The following NAPA variants were observed in gnomAD, a reference collection of about 807,000 sequenced individuals.
The protein encoded by NAPA is NSF attachment protein alpha.
In NAPA, 18 loss-of-function variants were observed where a neutral mutation model predicts 48.0. The ratio of observed to expected loss-of-function variants is 0.38; its 90% CI spans 0.26 to 0.56. The LOEUF is 0.56. Ranked by LOEUF, NAPA falls within the 20% of genes least tolerant of loss-of-function variation. The pLI is 0.77. For missense variants in NAPA, 315 were observed against 385.0 expected (o/e 0.82, Z 1.52); for synonymous variants, 152 against 149.9 (o/e 1.01, Z -0.10).
chr19:47,488,501 TGAG>T (rs1968142266), intron 10 of NAPA, 112 bp from the exon 11 acceptor site: 2 of 776,866 alleles, frequency 2.6e-6, no homozygotes, highest in East Asian at 2.8e-5. Context: ...CCCTGGTCTC[TGAG>T]GAGGAGTAGA....
At chr19:47,496,056 A>G (rs1256633495) in intron 3 of NAPA, 1 of 181,040 alleles carries the variant, frequency 5.5e-6, no homozygotes, top group African/African-American at 2.4e-5. Flanking sequence ...CTTGGAGGCA[A>G]CAGGGTGCCA....
intron 10 of NAPA, 72 bp downstream of exon 10, chr19:47,489,639 G>A (rs898121941): frequency 2.8e-5 from 43 of 1,529,144 alleles, no homozygotes; most frequent in Non-Finnish European, 3.7e-5. Context: ...TGGAGAGCGT[G>A]TCTGAGAAGG....
At chr19:47,501,835 G>C (rs1004811919) in intron 2 of NAPA, among the ~76,000 whole-genome samples, 1 of 152,184 alleles carries the variant, frequency 6.6e-6, no homozygotes, top group Admixed American at 6.5e-5. Context: ...TTTCTAAGCT[G>C]GAAGAGGACC....
chr19:47,507,736 C>T (rs781541635), intron 1 of NAPA, among the ~76,000 whole-genome samples: 8 of 152,228 alleles, frequency 5.3e-5, no homozygotes, highest in South Asian at 2.1e-4. Flanking sequence ...TGGCGCATGG[C>T]GTTCCCTGCC....
intron 2 of NAPA, among the ~76,000 whole-genome samples, chr19:47,502,226 C>T (rs1282751184): frequency 1.1e-5 from 1 of 92,530 alleles, no homozygotes; most frequent in Non-Finnish European, 1.9e-5. Context: ...GGCAACAGAG[C>T]AAGACTGTCT....
Position 47,493,208 on chromosome 19 carries a change from G to A in NAPA, c.421-34C>T, listed in dbSNP as rs374521827. 4.0e-5 allele frequency: 62 copies of A among 1,563,618 alleles called. No homozygotes were observed. In the African/African-American group the frequency reaches 7.4e-4, roughly 19 times the overall value. ...ACACGGGGGATGGGTTCCAGGGGAGGGCAGGGAAGGGAGAGGAGGCCTCCG... is the reference window on the plus strand; with the variant it reads ...ACACGGGGGATGGGTTCCAGGGGAGAGCAGGGAAGGGAGAGGAGGCCTCCG... On this transcript the variant is annotated intron_variant, in intron 5 of 10. Transcript: ENST00000263354. The surrounding 1 kb of genome is among the most constrained non-coding windows in gnomAD (Gnocchi z 6.4).
At chr19:47,507,244 C>A (rs539794308) in intron 1 of NAPA, among the ~76,000 whole-genome samples, 1 of 152,210 alleles carries the variant, frequency 6.6e-6, no homozygotes, top group Non-Finnish European at 1.5e-5. Flanking sequence ...CTCTCTCCCC[C>A]TCCAAGGCGG....
downstream of NAPA, among the ~76,000 whole-genome samples, chr19:47,486,269 C>T (rs1230783049): frequency 1.3e-5 from 2 of 151,984 alleles, no homozygotes. Context: ...GCAGGAGAAT[C>T]GCTTGAACCC....
intron 3 of NAPA, 29 bp from the exon 4 acceptor site, chr19:47,495,625 A>G: frequency 6.2e-7 from 1 of 1,611,570 alleles, no homozygotes; most frequent in Non-Finnish European, 8.5e-7. Context: ...GGGAGGAGAC[A>G]TGAGAAAGTG....
intron 1 of NAPA, among the ~76,000 whole-genome samples, chr19:47,504,874 A>G (rs1300825305): frequency 1.3e-5 from 2 of 152,178 alleles, no homozygotes; most frequent in Non-Finnish European, 2.9e-5. Context: ...GCATTATTTA[A>G]AACAGCAAAA....
At position 47,514,889 on chromosome 19, in the gene NAPA, C is replaced by T. The variant is rs754218136; in HGVS notation, c.52G>A (p.Glu18Lys). The change falls in exon 1 of 11, where the codon GAG (glutamate) becomes AAG (lysine). Residue 18 changes from glutamate (E) to lysine (K), a missense_variant. Glu to Lys is a moderately conservative substitution (Grantham distance 56). Around this residue, in one of 3 missense-constraint regions of NAPA, gnomAD observed 173 missense variants for 213.5 expected, o/e 0.81. Transcript: ENST00000263354. ...GACTGCGAGTTCTTCACTTTGCGCT[C>T]CGCCTCGGCCAACAGCGCCATCGCC... ...AEAMALLAEA[E>K]RKVKNSQSFF... The T allele has an allele frequency of 4.3e-6, 7 of 1,614,062 alleles. No homozygotes were observed. In the Admixed American group the frequency reaches 1.2e-4, roughly 27 times the overall value.
Position 47,490,807 on chromosome 19 carries a change from C to T in NAPA, c.716G>A (p.Arg239Gln), listed in dbSNP as rs145847247. The change falls in exon 9 of 11, where the codon CGG (arginine) becomes CAG (glutamine). Residue 239 changes from arginine (R) to glutamine (Q), a missense_variant. This residue lies in a region of NAPA where 137 missense variants were observed against 150.1 expected (regional missense o/e 0.91). Transcript: ENST00000263354. Reference protein sequence around the residue: ...EELFPAFSDSRECKLMKKLLE... With the variant: ...EELFPAFSDSQECKLMKKLLE... ...ACTTACTTTCATCAACTTGCATTCC[C>T]GGGAATCAGAGAAAGCTGGGAACAG... is the stretch of plus-strand genomic sequence containing the variant. 35 of 1,613,554 alleles carry T rather than the reference C, an allele frequency of 2.2e-5. No individual in the cohort carries two copies. The highest frequency in any genetic ancestry group is 5.0e-5 in the Admixed American group (3 of 59,948).
chr19:47,512,084 A>G (rs1221305384), intron 1 of NAPA, among the ~76,000 whole-genome samples: 1 of 152,096 alleles, frequency 6.6e-6, no homozygotes, highest in Admixed American at 6.6e-5. Flanking sequence ...TTCCTAAGGC[A>G]TGCTCCATAA....
In NAPA at chr19:47,515,023, G is replaced by C. The variant is rs1199663396; in HGVS notation, c.-83C>G. On this transcript the variant is annotated 5_prime_UTR_variant, in exon 1 of 11. Transcript: ENST00000263354. ...GCGGCCGGGCCGCGGAACACAGATC[G>C]GTAAAACTCGCCCGGCTGCGTTGAC... The C allele has an allele frequency of 1.2e-5, 16 of 1,378,036 alleles. No individual in the cohort carries two copies. Among genetic ancestry groups the C allele is most frequent in the Non-Finnish European group, 1.4e-5 (14 of 1,000,090 alleles). The allele number at this position is 1,378,036 out of a possible 1,614,324, so 85.4% of individuals were successfully genotyped here.
At chr19:47,495,714 C>CA in intron 3 of NAPA, 118 bp from the exon 4 acceptor site, 1 of 881,662 alleles carries the variant, frequency 1.1e-6, no homozygotes, top group East Asian at 2.4e-5. Flanking sequence ...AATAGGCGCT[C>CA]AGAGCTGCCA....
intron 1 of NAPA, among the ~76,000 whole-genome samples, chr19:47,504,474 T>C (rs1413265812): frequency 2.0e-5 from 3 of 151,090 alleles, no homozygotes; most frequent in African/African-American, 7.3e-5. Context: ...ACATAGGATA[T>C]TTCTGGGCAA....
intron 1 of NAPA, among the ~76,000 whole-genome samples, chr19:47,510,826 G>A (rs557207373): frequency 2.0e-5 from 3 of 152,354 alleles, no homozygotes; most frequent in Middle Eastern, 3.4e-3. Flanking sequence ...TAGTTAGGAA[G>A]TCTCCGTCTT....
Position 47,500,719 on chromosome 19 carries a change from T to C in NAPA, c.209A>G (p.Gln70Arg), listed in dbSNP as rs769063062. Residue 70 changes from glutamine (Q) to arginine (R), a missense_variant, in exon 3 of 11, where the codon CAG (glutamine) becomes CGG (arginine). This residue lies in a region of NAPA where 173 missense variants were observed against 213.5 expected (regional missense o/e 0.81). Coordinates refer to ENST00000263354, the MANE Select transcript of NAPA (RefSeq NM_003827.4). The stretch of plus-strand genomic sequence containing the variant: ...CTTGCTCTGGAGCTGCAGGTGCAGC[T>C]GTGCAGCCTGGCAGAACGCGTTTCC... ...AAGNAFCQAA[Q>R]LHLQLQSKHD... is the part of the protein sequence containing the mutation. The C allele has an allele frequency of 3.7e-6, 6 of 1,609,298 alleles. No individual in the cohort carries two copies. Among genetic ancestry groups the C allele is most frequent in the African/African-American group, 1.3e-5 (1 of 74,676 alleles).
chr19:47,497,961 G>T (rs966132263), intron 3 of NAPA, among the ~76,000 whole-genome samples: 1 of 152,210 alleles, frequency 6.6e-6, no homozygotes, highest in Admixed American at 6.5e-5. Context: ...AAGAGGCCTC[G>T]CTGGCCCGAG....
Sources: allele counts gnomAD v4.1 joint callset (sites outside exome capture counted in the v4.1 genomes callset), GRCh38; gene constraint gnomAD v4.1.1; regional missense constraint gnomAD v4.1.1; non-coding constraint Gnocchi (gnomAD v3.1); transcripts MANE v1.5; gene names NCBI Gene and HGNC (gene_info 2026-07-23, HGNC 2026-07-21).